Variants in RANBP3L observed in about 807,000 individuals in gnomAD.
RANBP3L encodes the protein ran-binding protein 3-like.
In RANBP3L, 56 loss-of-function variants were observed where a neutral mutation model predicts 67.2. The ratio of observed to expected loss-of-function variants is 0.83; its 90% confidence interval spans 0.67 to 1.04. RANBP3L has a LOEUF of 1.04. Among genes scored for constraint, RANBP3L ranks in the 50% least tolerant of loss-of-function variants. RANBP3L has a pLI of 0.00. For synonymous variants in RANBP3L, 164 were observed against 181.4 expected (o/e 0.90, Z 0.77); for missense variants, 496 against 535.5 (o/e 0.93, Z 0.73).
intron 12 of RANBP3L, among the ~76,000 whole-genome samples, chr5:36,252,018 T>C (rs1286110125): frequency 6.6e-6 from 1 of 152,130 alleles, no homozygotes; most frequent in African/African-American, 2.4e-5. Context: ...CATATGAAAA[T>C]ATAAAAACGA....
chr5:36,299,065 AGCAAATACAAAGCAG>A (rs1752432602), intron 1 of RANBP3L, among the ~76,000 whole-genome samples: 1 of 152,122 alleles, frequency 6.6e-6, no homozygotes, highest in East Asian at 1.9e-4. Context: ...ATCAGCTGCC[AGCAAATACAAAGCAG>A]GCAAAAAAAC....
chr5:36,274,088 C>A (rs115201970), intron 1 of RANBP3L, among the ~76,000 whole-genome samples: 1 of 152,278 alleles, frequency 6.6e-6, no homozygotes, highest in African/African-American at 2.4e-5. Flanking sequence ...TCTGACCACA[C>A]GCCAGCACCA....
intron 10 of RANBP3L, 66 bp from the exon 11 acceptor site, chr5:36,255,656 G>C: frequency 8.9e-7 from 1 of 1,122,486 alleles, no homozygotes; most frequent in Non-Finnish European, 1.3e-6. Context: ...TATTTCCTAT[G>C]TTATGACACG....
chr5:36,261,184 T>C (rs1749358844), intron 7 of RANBP3L, among the ~76,000 whole-genome samples: 1 of 152,204 alleles, frequency 6.6e-6, no homozygotes, highest in South Asian at 2.1e-4. Context: ...TAGTATCTAA[T>C]TTCCCCTCTT....
chr5:36,255,212 A>G (rs1045857901), intron 11 of RANBP3L, among the ~76,000 whole-genome samples: 3 of 152,104 alleles, frequency 2.0e-5, no homozygotes, highest in South Asian at 2.1e-4. Context: ...TTAAATTGAT[A>G]TAAGTAGAGT....
chr5:36,288,438 C>T (rs538142669), intron 1 of RANBP3L, among the ~76,000 whole-genome samples: 23 of 152,276 alleles, frequency 1.5e-4, no homozygotes, highest in Middle Eastern at 3.4e-3. Context: ...AAATCTGCTA[C>T]GAGCATTCTT....
chr5:36,264,879 C>T, intron 6 of RANBP3L, 80 bp downstream of exon 6: 1 of 1,278,464 alleles, frequency 7.8e-7, no homozygotes, highest in Non-Finnish European at 1.1e-6. Flanking sequence ...ACTCCTATTT[C>T]TGGATATGGG....
At chr5:36,263,751 G>A (rs1749557626) in intron 6 of RANBP3L, among the ~76,000 whole-genome samples, 3 of 152,098 alleles carry the variant, frequency 2.0e-5, no homozygotes, top group African/African-American at 4.8e-5. Flanking sequence ...TGTCTGGAAC[G>A]TTTTAGCTCA....
rs1749784136 is a variant in RANBP3L at position 36,266,314 on chromosome 5, C to T, written c.269-794G>A. ...CTACAAACATGTTGGTGGGGTAAGA[C>T]TGTGGTGGTGGCTCCGAGTATAGAA... On this transcript the variant is annotated intron_variant, in intron 4 of 13. Coordinates refer to ENST00000296604, the MANE Select transcript of RANBP3L (RefSeq NM_145000.5). Among the ~76,000 whole-genome samples, 5 of 152,252 alleles carry T rather than the reference C, an allele frequency of 3.3e-5. No homozygotes were observed. The South Asian group carries it at 1.0e-3, about 32-fold the overall frequency.
intron 4 of RANBP3L, chr5:36,268,163 A>G (rs1309911423): frequency 1.0e-4 from 141 of 1,391,658 alleles, no homozygotes; most frequent in East Asian, 2.6e-5. Flanking sequence ...AGTCAGTGTC[A>G]GGCTTGAGGT....
Position 36,277,226 on chromosome 5 carries a change from C to T in RANBP3L, c.92-5915G>A, listed in dbSNP as rs897954880. On this transcript the variant is annotated intron_variant, in intron 1 of 13. Transcript: ENST00000296604. ...CACATCCTCTTCTCTAATTTCTGCT[C>T]CTTGTGCACTGTCTCACCCCAATCT... 6.6e-5 allele frequency among the ~76,000 whole-genome samples: 10 copies of T among 152,226 alleles called. No individual in the cohort carries two copies. The Middle Eastern group carries it at 0.01, about 155-fold the overall frequency.
In RANBP3L at chr5:36,248,145, G is replaced by A. The variant is rs575015980; in HGVS notation, c.*1509C>T. On this transcript the variant is annotated 3_prime_UTR_variant, in exon 14 of 14. Transcript: ENST00000296604. ...GTCCATTCTTTTTGTCCTTTCTTTC[G>A]TACTAAATCTCTTTTTCCCCTTCTA... Among the ~76,000 whole-genome samples, 11 of 151,930 alleles carry A rather than the reference G, an allele frequency of 7.2e-5. No individual in the cohort carries two copies. The South Asian group carries it at 1.9e-3, about 26-fold the overall frequency.
intron 1 of RANBP3L, among the ~76,000 whole-genome samples, chr5:36,286,921 A>G (rs1255884374): frequency 6.6e-6 from 1 of 152,188 alleles, no homozygotes; most frequent in Non-Finnish European, 1.5e-5. Flanking sequence ...GATCTCCATT[A>G]TGACACTCTA....
intron 1 of RANBP3L, among the ~76,000 whole-genome samples, chr5:36,296,819 T>C (rs1415374329): frequency 6.6e-6 from 1 of 152,062 alleles, no homozygotes; most frequent in Non-Finnish European, 1.5e-5. Context: ...AGTGAGTGAG[T>C]CTCATCTAAT....
At chr5:36,298,143 T>TA (rs1579804209) in intron 1 of RANBP3L, among the ~76,000 whole-genome samples, 5 of 151,236 alleles carry the variant, frequency 3.3e-5, no homozygotes, top group Non-Finnish European at 7.4e-5. Context: ...CTACTAAAAA[T>TA]AAAAAAATTA....
chr5:36,255,677 T>TCATAA, intron 10 of RANBP3L, 87 bp from the exon 11 acceptor site: 1 of 779,752 alleles, frequency 1.3e-6, no homozygotes. Flanking sequence ...TTTATATGTG[T>TCATAA]CTAGTCTTTT....
At chr5:36,254,272 C>T (rs76188990) in intron 11 of RANBP3L, among the ~76,000 whole-genome samples, 2 of 151,842 alleles carry the variant, frequency 1.3e-5, no homozygotes, top group South Asian at 4.1e-4. Context: ...AAAATAAACA[C>T]CATGAATCAG....
At chr5:36,276,647 G>T (rs927118358) in intron 1 of RANBP3L, among the ~76,000 whole-genome samples, 1 of 151,890 alleles carries the variant, frequency 6.6e-6, no homozygotes, top group African/African-American at 2.4e-5. Flanking sequence ...GGGTTATAAG[G>T]TGTCCCTACC....
At chr5:36,294,317 G>A (rs886283845) in intron 1 of RANBP3L, among the ~76,000 whole-genome samples, 14 of 151,664 alleles carry the variant, frequency 9.2e-5, no homozygotes, top group Non-Finnish European at 1.5e-4. Flanking sequence ...TCTTGCTAGC[G>A]GTGTATCAAT....
Sources: gnomAD v4.1 joint callset for allele counts (sites outside exome capture counted in the v4.1 genomes callset) on GRCh38, gnomAD v4.1.1 for gene constraint, MANE v1.5 for transcripts, NCBI Gene and HGNC (gene_info 2026-07-23, HGNC 2026-07-21) for gene names.